BCL2L14: variants seen among roughly 807,000 people sequenced by gnomAD.
BCL2L14 encodes apoptosis facilitator Bcl-2-like protein 14.
Under a neutral mutation model 35.3 loss-of-function variants are expected in BCL2L14, and 27 were observed. That is an observed-to-expected ratio of 0.76 (90% CI 0.56 to 1.05). BCL2L14 has a LOEUF of 1.05. BCL2L14 is among the 50% of genes least tolerant of loss of function. The pLI is 0.00. For missense variants in BCL2L14, 377 were observed against 382.6 expected, an observed-to-expected ratio of 0.99 and a Z score of 0.12; for synonymous variants, 139 against 145.9, an observed-to-expected ratio of 0.95 and a Z score of 0.34.
At chr12:12,084,325 T>C (rs1440396790) in intron 2 of BCL2L14, among the ~76,000 whole-genome samples, 1 of 152,164 alleles carries the variant, frequency 6.6e-6, no homozygotes, top group South Asian at 2.1e-4. Flanking sequence ...GGCCCTTCCC[T>C]ACTGCAAGGG....
intron 2 of BCL2L14, among the ~76,000 whole-genome samples, chr12:12,080,984 G>C (rs991747202): frequency 6.6e-6 from 1 of 152,166 alleles, no homozygotes; most frequent in African/African-American, 2.4e-5. Context: ...AGGAGTTCAA[G>C]ACCAGCCTTA....
At chr12:12,056,435 T>G (rs1213576154) in intron 2 of BCL2L14, among the ~76,000 whole-genome samples, 1 of 152,166 alleles carries the variant, frequency 6.6e-6, no homozygotes, top group Non-Finnish European at 1.5e-5. Flanking sequence ...AGAAGCAGAA[T>G]CAGAATTTGA....
intron 2 of BCL2L14, among the ~76,000 whole-genome samples, chr12:12,059,724 A>G (rs1948493307): frequency 6.6e-6 from 1 of 151,980 alleles, no homozygotes; most frequent in Admixed American, 6.6e-5. Flanking sequence ...GTTCTTAAGA[A>G]CTTAAAACCT....
At chr12:12,085,028 G>A (rs1390468798) in intron 2 of BCL2L14, among the ~76,000 whole-genome samples, 14 of 149,718 alleles carry the variant, frequency 9.4e-5, no homozygotes, top group South Asian at 2.1e-4. Flanking sequence ...AGGTTGCAGC[G>A]AGCCGAGATC....
chr12:12,062,811 A>G (rs1287863685), intron 2 of BCL2L14, among the ~76,000 whole-genome samples: 3 of 152,136 alleles, frequency 2.0e-5, no homozygotes, highest in African/African-American at 7.2e-5. Context: ...TATTAGTCAA[A>G]TCAGCCAAGC....
chr12:12,068,662 T>TAAA (rs5796483), upstream of BCL2L14, among the ~76,000 whole-genome samples: 1 of 146,756 alleles, frequency 6.8e-6, no homozygotes, highest in Admixed American at 6.8e-5. Context: ...CCTGGCTAAT[T>TAAA]AAAAAAAAAA....
At chr12:12,096,635 G>A (rs1416290726) in intron 5 of BCL2L14, among the ~76,000 whole-genome samples, 2 of 152,146 alleles carry the variant, frequency 1.3e-5, no homozygotes, top group East Asian at 1.9e-4. Context: ...ATGAAAAGAC[G>A]CTTGTTTGAC....
chr12:12,050,814 G>GAAAAAAAAAAA (rs764719291), intron 1 of BCL2L14, among the ~76,000 whole-genome samples: 3 of 111,506 alleles, frequency 2.7e-5, no homozygotes, highest in Non-Finnish European at 5.4e-5. Context: ...AAAAAAAAAA[G>GAAAAAAAAAAA]AAAAGAAAAG....
intron 5 of BCL2L14, chr12:12,096,306 T>A: frequency 8.9e-6 from 3 of 337,632 alleles, no homozygotes; most frequent in Non-Finnish European, 1.3e-5. Flanking sequence ...CCCACTAATG[T>A]AGCTAAAATA....
chr12:12,071,812 G>A (rs1412493028), intron 1 of BCL2L14: 1 of 152,162 alleles, frequency 6.6e-6, no homozygotes, highest in Non-Finnish European at 1.5e-5. Flanking sequence ...ATTGTGGGAA[G>A]TTAAGGCACT....
At chr12:12,068,257 G>A (rs1237551593), upstream of BCL2L14, 2 of 397,956 alleles carry the variant, frequency 5.0e-6, no homozygotes, top group Non-Finnish European at 8.8e-6. Flanking sequence ...GACTCTTCAG[G>A]ATCCTAAATG....
intron 2 of BCL2L14, chr12:12,055,735 CT>C (rs1268370921): frequency 6.6e-6 from 1 of 152,202 alleles, no homozygotes; most frequent in Non-Finnish European, 1.5e-5. Flanking sequence ...TTGTCTCTGC[CT>C]TCTGTTGTTG....
At chr12:12,062,270 A>AC (rs1394092216) in intron 2 of BCL2L14, among the ~76,000 whole-genome samples, 1 of 142,610 alleles carries the variant, frequency 7.0e-6, no homozygotes, top group Non-Finnish European at 1.5e-5. Context: ...ACCACACCTG[A>AC]CCCCCATGAC....
At chr12:12,052,344 T>C (rs1197330221) in intron 2 of BCL2L14, among the ~76,000 whole-genome samples, 1 of 144,058 alleles carries the variant, frequency 6.9e-6, no homozygotes. Context: ...ATTCCTCTTG[T>C]CTAACTGAAA....
At chr12:12,092,066 G>A (rs900048922) in intron 4 of BCL2L14, among the ~76,000 whole-genome samples, 3 of 152,160 alleles carry the variant, frequency 2.0e-5, no homozygotes, top group African/African-American at 7.2e-5. Context: ...ACAGAACTCC[G>A]AGGGGTCCTT....
intron 1 of BCL2L14, among the ~76,000 whole-genome samples, chr12:12,050,583 G>A (rs1948337762): frequency 1.3e-5 from 2 of 151,682 alleles, no homozygotes; most frequent in Admixed American, 6.6e-5. Flanking sequence ...AAGCTTATAG[G>A]AGTAGACCTG....
intron 2 of BCL2L14, among the ~76,000 whole-genome samples, chr12:12,080,092 C>G (rs1168276119): frequency 1.3e-5 from 2 of 151,928 alleles, no homozygotes; most frequent in Non-Finnish European, 2.9e-5. Context: ...GTAGTCCCAG[C>G]TACTCGGGAG....
intron 1 of BCL2L14, among the ~76,000 whole-genome samples, chr12:12,073,265 G>A (rs1948706505): frequency 6.6e-6 from 1 of 152,178 alleles, no homozygotes; most frequent in Admixed American, 6.5e-5. Context: ...TTGTGGCGGA[G>A]GCCCCCGCTC....
At position 12,087,261 on chromosome 12, in the gene BCL2L14, T is replaced by C. The variant is rs1949066340; in HGVS notation, c.482T>C (p.Val161Ala). Residue 161 changes from valine to alanine, a missense_variant, in exon 3 of 6, where the codon GTT becomes GCT. Transcript: ENST00000308721. ...ISIANRVAEIVYSWPPPQATQ... is the reference protein window; with the variant it reads ...ISIANRVAEIAYSWPPPQATQ... ...ATTGCCAACCGAGTAGCTGAAATTG[T>C]TTACTCCTGGCCACCACCACAAGCG... The C allele has an allele frequency of 1.9e-6, 3 of 1,614,064 alleles. No homozygotes were observed. Among genetic ancestry groups the C allele is most frequent in the Non-Finnish European group, 2.5e-6 (3 of 1,180,036 alleles).
Sources: gnomAD v4.1 joint callset for allele counts (sites outside exome capture counted in the v4.1 genomes callset) on GRCh38, gnomAD v4.1.1 for gene constraint, MANE v1.5 for transcripts, NCBI Gene and HGNC (gene_info 2026-07-23, HGNC 2026-07-21) for gene names.